SAMD3: variants seen among roughly 807,000 people sequenced by gnomAD.
The protein encoded by SAMD3 is sterile alpha motif domain containing 3, also known as sterile alpha motif domain-containing protein 3.
A neutral mutation model predicts 58.5 loss-of-function variants in SAMD3; 63 were observed. That is an observed-to-expected ratio of 1.08 (90% confidence interval 0.88 to 1.33). The LOEUF is 1.33. SAMD3 is among the 40% of genes most tolerant of loss of function. The pLI is 0.00. For synonymous variants in SAMD3, 220 were observed against 210.3 expected (o/e 1.05, Z -0.40); for missense variants, 604 against 608.4 (o/e 0.99, Z 0.08).
intron 2 of SAMD3, among the ~76,000 whole-genome samples, chr6:130,255,530 C>G (rs923808535): frequency 6.6e-6 from 1 of 152,122 alleles, no homozygotes; most frequent in Admixed American, 6.5e-5. Context: ...ATGAATTGAT[C>G]GCTTTTCTAC....
At chr6:130,184,671 G>T in intron 5 of SAMD3, 48 bp from the exon 6 acceptor site, 2 of 1,483,162 alleles carry the variant, frequency 1.3e-6, no homozygotes, top group Non-Finnish European at 1.8e-6. Context: ...CCAAATATAT[G>T]CAGTTTATTA....
upstream of SAMD3, among the ~76,000 whole-genome samples, chr6:130,224,818 C>T (rs920936208): frequency 3.3e-5 from 5 of 151,780 alleles, no homozygotes; most frequent in Non-Finnish European, 5.9e-5. Flanking sequence ...TGGGGTTTCA[C>T]TGTGTTAGCC....
intron 2 of SAMD3, among the ~76,000 whole-genome samples, chr6:130,250,888 G>T (rs1300447783): frequency 1.3e-5 from 2 of 152,060 alleles, no homozygotes; most frequent in Non-Finnish European, 2.9e-5. Context: ...TATGAATACT[G>T]CTGCTACAAA....
At chr6:130,319,147 G>A (rs1776496963) in intron 1 of SAMD3, among the ~76,000 whole-genome samples, 2 of 152,144 alleles carry the variant, frequency 1.3e-5, no homozygotes, top group Non-Finnish European at 2.9e-5. Context: ...TCAGTGGGTT[G>A]TGAGGCAACT....
chr6:130,293,190 T>C (rs12194113), intron 2 of SAMD3, among the ~76,000 whole-genome samples: 42,420 of 152,052 alleles, frequency 0.28, 6,374 homozygotes, highest in East Asian at 0.45. Flanking sequence ...CCAACTCCAT[T>C]TGCTTGGGGT....
At chr6:130,251,944 T>C (rs1013843001) in intron 2 of SAMD3, among the ~76,000 whole-genome samples, 1 of 151,366 alleles carries the variant, frequency 6.6e-6, no homozygotes, top group Non-Finnish European at 1.5e-5. Flanking sequence ...ATTGTTTAAG[T>C]CCTCTTTTTT....
intron 2 of SAMD3, among the ~76,000 whole-genome samples, chr6:130,308,971 G>T (rs569614772): frequency 6.6e-6 from 1 of 152,216 alleles, no homozygotes; most frequent in South Asian, 2.1e-4. Flanking sequence ...AAGAATCAGA[G>T]AATTTAAATA....
At chr6:130,316,223 G>A (rs1216093204) in intron 1 of SAMD3, among the ~76,000 whole-genome samples, 24 of 150,736 alleles carry the variant, frequency 1.6e-4, no homozygotes, top group African/African-American at 5.4e-4. Context: ...CCTGGGAGGC[G>A]GAGGTTGCAG....
intron 7 of SAMD3, 121 bp from the exon 8 acceptor site, chr6:130,176,129 A>G: frequency 1.3e-6 from 1 of 780,284 alleles, no homozygotes; most frequent in South Asian, 1.5e-5. Flanking sequence ...TTTTCACATC[A>G]TGGTAATAGA....
chr6:130,145,682 C>G (rs1221862406), intron 10 of SAMD3, among the ~76,000 whole-genome samples: 2 of 152,000 alleles, frequency 1.3e-5, no homozygotes, highest in Non-Finnish European at 2.9e-5. Flanking sequence ...TTTATGCTGC[C>G]CCTTGTGATT....
chr6:130,220,899 G>C (rs1026220095), intron 1 of SAMD3, among the ~76,000 whole-genome samples: 1 of 151,966 alleles, frequency 6.6e-6, no homozygotes, highest in African/African-American at 2.4e-5. Flanking sequence ...TGTTGCCCAG[G>C]CTGGAGTGCA....
At chr6:130,282,689 C>A (rs572260321) in intron 2 of SAMD3, among the ~76,000 whole-genome samples, 1 of 152,040 alleles carries the variant, frequency 6.6e-6, no homozygotes, top group African/African-American at 2.4e-5. Flanking sequence ...AAGACAAGGA[C>A]GCTAAAAGTA....
chr6:130,227,222 T>A (rs1389898942), upstream of SAMD3, among the ~76,000 whole-genome samples: 1 of 152,204 alleles, frequency 6.6e-6, no homozygotes, highest in Admixed American at 6.5e-5. Context: ...AATCATACAA[T>A]ATTTGTTTTT....
At chr6:130,271,181 G>A (rs1774549951) in intron 2 of SAMD3, among the ~76,000 whole-genome samples, 1 of 151,838 alleles carries the variant, frequency 6.6e-6, no homozygotes, top group African/African-American at 2.4e-5. Flanking sequence ...TGGATTTTTT[G>A]TAGAGACAGG....
Position 130,210,930 on chromosome 6 carries a change from C to T in SAMD3, c.270-1322G>A, listed in dbSNP as rs968731574. On this transcript the variant is annotated intron_variant, in intron 4 of 11. Transcript: ENST00000439090. ...GGTCAGGAGATTAAGACCATCCTGG[C>T]TAATATGATGAAACCCTGTCTCTAC... 7.9e-5 allele frequency among the ~76,000 whole-genome samples: 12 copies of T among 152,022 alleles called. No homozygotes were observed. The South Asian group carries it at 1.0e-3, about 13-fold the overall frequency.
intron 1 of SAMD3, among the ~76,000 whole-genome samples, chr6:130,219,218 C>T (rs1048529210): frequency 3.3e-5 from 5 of 152,124 alleles, no homozygotes; most frequent in Admixed American, 6.5e-5. Context: ...AAGGGAGTGA[C>T]ATCTACAAAG....
intron 1 of SAMD3, among the ~76,000 whole-genome samples, chr6:130,349,295 T>C (rs1433276086): frequency 6.6e-6 from 1 of 151,948 alleles, no homozygotes; most frequent in Non-Finnish European, 1.5e-5. Context: ...CAGGAGATGG[T>C]TTTTTGAAAA....
chr6:130,290,364 C>T (rs756835406), intron 2 of SAMD3, among the ~76,000 whole-genome samples: 3 of 152,178 alleles, frequency 2.0e-5, no homozygotes, highest in Non-Finnish European at 4.4e-5. Context: ...AGAATTGCTT[C>T]TTCTTCAGGA....
At chr6:130,179,605 CAAAAAA>C (rs34174182) in intron 7 of SAMD3, among the ~76,000 whole-genome samples, 6 of 121,300 alleles carry the variant, frequency 4.9e-5, no homozygotes, top group African/African-American at 1.9e-4. Context: ...ACTGTCTAGG[CAAAAAA>C]AAAAAAAAAA....
Sources: gnomAD v4.1 joint callset for allele counts (sites outside exome capture counted in the v4.1 genomes callset) on GRCh38, gnomAD v4.1.1 for gene constraint, MANE v1.5 for transcripts, NCBI Gene and HGNC (gene_info 2026-07-23, HGNC 2026-07-21) for gene names.